CELSR1: variants seen among roughly 807,000 people sequenced by gnomAD.
CELSR1 encodes adhesion G protein-coupled receptor C1.
Under a neutral mutation model 249.1 loss-of-function variants are expected in CELSR1, and 110 were observed. The ratio of observed to expected loss-of-function variants is 0.44; its 90% CI spans 0.38 to 0.52. The LOEUF is 0.52. Among genes scored for constraint, CELSR1 ranks in the 20% least tolerant of loss-of-function variants. CELSR1 has a pLI of 0.00. For synonymous variants in CELSR1, 2,113 were observed against 1,900.0 expected, an observed-to-expected ratio of 1.11 and a Z score of -2.92; for missense variants, 4,109 against 4,296.4, an observed-to-expected ratio of 0.96 and a Z score of 1.22.
chr22:46,414,993 C>A (rs953274871), intron 5 of CELSR1, among the ~76,000 whole-genome samples: 4 of 152,086 alleles, frequency 2.6e-5, no homozygotes, highest in Non-Finnish European at 4.4e-5. Context: ...CGGAACACAT[C>A]GCGCTCAGTG....
chr22:46,426,617 T>G (rs954125795), intron 5 of CELSR1, among the ~76,000 whole-genome samples: 6 of 152,168 alleles, frequency 3.9e-5, no homozygotes, highest in Non-Finnish European at 1.5e-5. Context: ...TATAGCAATT[T>G]GGGGGTGCTA....
intron 1 of CELSR1, among the ~76,000 whole-genome samples, chr22:46,486,461 T>C (rs758779912): frequency 9.2e-5 from 14 of 151,408 alleles, no homozygotes; most frequent in Non-Finnish European, 1.6e-4. Context: ...GGCATGAGAA[T>C]TGTTTGAGCC....
rs541572721 is a variant in CELSR1, at chr22:46,364,590, G to A, written c.8701C>T (p.Arg2901Cys). The change falls in exon 33 of 35, where the codon CGT becomes TGT. Residue 2901 changes from arginine to cysteine, a missense_variant. By Grantham distance (180) the Arg-to-Cys change is radical. Transcript: ENST00000674500. ...ELHREEQGSH[R>C]GEYPPDQESG... The stretch of plus-strand genomic sequence containing the variant: ...TCCTGGTCCGGGGGGTACTCTCCAC[G>A]GTGACTGCCCTGCTCCTCGCGGTGC... The A allele has an allele frequency of 1.9e-5, 31 of 1,612,580 alleles. No homozygotes were observed. The highest frequency in any genetic ancestry group is 8.3e-5 in the Admixed American group (5 of 60,016).
chr22:46,518,479 T>C lies in CELSR1; in HGVS notation c.3544+15148A>G, dbSNP rs1342135323. On this transcript the variant is annotated intron_variant, in intron 1 of 34. Transcript: ENST00000674500. The surrounding 1 kb of genome is among the most constrained non-coding windows in gnomAD (Gnocchi z 5.2). ...ATCCCACTGAGAAGGGAGGCCTCGG[T>C]TATCTGATTTAACACGAAGAAACCA... 6.6e-6 allele frequency among the ~76,000 whole-genome samples: 1 copy of C among 152,116 alleles called. No homozygotes were observed. Among genetic ancestry groups the C allele is most frequent in the Non-Finnish European group, 1.5e-5 (1 of 68,006 alleles).
intron 27 of CELSR1, among the ~76,000 whole-genome samples, chr22:46,368,412 C>A (rs2078811949): frequency 6.6e-6 from 1 of 151,928 alleles, no homozygotes; most frequent in Non-Finnish European, 1.5e-5. Context: ...ACCCCCCGTG[C>A]ACCCCCATAT....
chr22:46,420,364 A>C (rs2079454618), intron 5 of CELSR1, among the ~76,000 whole-genome samples: 1 of 151,022 alleles, frequency 6.6e-6, no homozygotes, highest in African/African-American at 2.4e-5. Flanking sequence ...CCACATGTGC[A>C]TGCTCACCCA....
In CELSR1 at chr22:46,399,101, G is replaced by A. The variant is rs909892537; in HGVS notation, c.5413-464C>T. ...ATTTACTCCCAGGTCTGTGTTGTAA[G>A]ATGAGCCTTGGCTCCAAGAGCTCTT... is the stretch of plus-strand genomic sequence containing the variant. On this transcript the variant is annotated intron_variant, in intron 10 of 34. Transcript: ENST00000674500. This position sits in a 1 kb window ranked among gnomAD's most constrained non-coding sequence, Gnocchi z 5.0. 4.6e-5 allele frequency among the ~76,000 whole-genome samples: 7 copies of A among 152,238 alleles called. No individual in the cohort carries two copies. The highest frequency in any genetic ancestry group is 3.9e-4 in the Admixed American group (6 of 15,288).
intron 1 of CELSR1, among the ~76,000 whole-genome samples, chr22:46,510,086 T>C (rs2080557860): frequency 6.6e-6 from 1 of 152,220 alleles, no homozygotes; most frequent in Non-Finnish European, 1.5e-5. Context: ...ACCAGTGAAC[T>C]GGGCTAGCTC....
At chr22:46,379,779 C>A (rs533801478) in intron 22 of CELSR1, among the ~76,000 whole-genome samples, 1 of 152,306 alleles carries the variant, frequency 6.6e-6, no homozygotes, top group South Asian at 2.1e-4. Context: ...GCACAGACGT[C>A]CCCAGATGCA....
rs939985900 is a variant in CELSR1 at position 46,411,516 on chromosome 22, T to C, written c.4769+86A>G. ...GCCAGGGCACTGCACCCAGAGTGCC[T>C]ACGTGGGGCCCTGCCCTGGGAAGGC... is the stretch of plus-strand genomic sequence containing the variant. On this transcript the variant is annotated intron_variant, in intron 6 of 34. Transcript: ENST00000674500. The surrounding 1 kb of genome is among the most constrained non-coding windows in gnomAD (Gnocchi z 4.2). 15 of 1,511,764 alleles carry C rather than the reference T, an allele frequency of 9.9e-6. No homozygotes were observed. Among genetic ancestry groups the C allele is most frequent in the Non-Finnish European group, 1.3e-5 (15 of 1,115,302 alleles). The allele number at this position is 1,511,764 out of a possible 1,614,324, so 93.6% of individuals were successfully genotyped here. A position where few individuals can be genotyped will look rare whatever the true frequency, so the allele number is the denominator to read the frequency against.
In CELSR1 at chr22:46,484,598, C is replaced by T. The variant is rs565314390; in HGVS notation, c.3545-20253G>A. Among the ~76,000 whole-genome samples the T allele has an allele frequency of 1.1e-4, 17 of 149,622 alleles. No homozygotes were observed. The highest frequency in any genetic ancestry group is 9.9e-4 in the East Asian group (5 of 5,072). ...GGGACAGCCTGGCAAGGGGCAGCTG[C>T]GCTCACATACCACGAGAGCTACCTG... On this transcript the variant is annotated intron_variant, in intron 1 of 34. Transcript: ENST00000674500. The surrounding 1 kb of genome is among the most constrained non-coding windows in gnomAD (Gnocchi z 4.5).
At chr22:46,444,467 C>T (rs943072094) in intron 2 of CELSR1, among the ~76,000 whole-genome samples, 3 of 152,202 alleles carry the variant, frequency 2.0e-5, no homozygotes, top group East Asian at 1.9e-4. Context: ...TGCTAATGCC[C>T]GTGAGAGCAC....
chr22:46,410,240 C>G lies in CELSR1; in HGVS notation c.4933+158G>C, dbSNP rs1181734006. On this transcript the variant is annotated intron_variant, in intron 7 of 34. Transcript: ENST00000674500. The surrounding 1 kb of genome is among the most constrained non-coding windows in gnomAD (Gnocchi z 6.8). ...CGGAGATGCACATCTCCAGCCTGGACTCCGGGTTCCATCCCAGGAGCTGCC... is the reference window on the plus strand; with the variant it reads ...CGGAGATGCACATCTCCAGCCTGGAGTCCGGGTTCCATCCCAGGAGCTGCC... Among the ~76,000 whole-genome samples the G allele has an allele frequency of 1.3e-5, 2 of 152,240 alleles. No homozygotes were observed. Among genetic ancestry groups the G allele is most frequent in the African/African-American group, 4.8e-5 (2 of 41,476 alleles).
intron 2 of CELSR1, among the ~76,000 whole-genome samples, chr22:46,452,513 C>T (rs1219755075): frequency 1.3e-5 from 2 of 152,194 alleles, no homozygotes; most frequent in African/African-American, 4.8e-5. Context: ...ACTTAGGGGG[C>T]GGTCAGCCCT....
At chr22:46,416,380 C>A (rs9615995) in intron 5 of CELSR1, among the ~76,000 whole-genome samples, 6 of 152,036 alleles carry the variant, frequency 3.9e-5, no homozygotes, top group Non-Finnish European at 8.8e-5. Context: ...CCAGAGGACC[C>A]CCCCCAACCC....
At chr22:46,418,417 G>A (rs1422316167) in intron 5 of CELSR1, among the ~76,000 whole-genome samples, 2 of 152,154 alleles carry the variant, frequency 1.3e-5, no homozygotes, top group Non-Finnish European at 2.9e-5. Context: ...CCCGGGAGAC[G>A]GAGGTTGCAG....
rs1274377660 is a variant in CELSR1 at position 46,396,579 on chromosome 22, A to G, written c.5843+26T>C. ...ACAGCCACATGGACTCTGAAGGTGC[A>G]GGGAGGCACCAGGGGCTGCTCTTAC... On this transcript the variant is annotated intron_variant, in intron 13 of 34. Coordinates refer to ENST00000674500, the MANE Select transcript of CELSR1 (RefSeq NM_001378328.1). The surrounding 1 kb of genome is among the most constrained non-coding windows in gnomAD (Gnocchi z 6.4). 1.3e-6 allele frequency: 2 copies of G among 1,533,272 alleles called. No homozygotes were observed. The allele number at this position is 1,533,272 out of a possible 1,614,324, so 95.0% of individuals were successfully genotyped here.
chr22:46,365,399 C>CA lies in CELSR1; in HGVS notation c.8405-20dup. On this transcript the variant is annotated intron_variant, in intron 31 of 34. Transcript: ENST00000674500. Reference sequence around the variant, plus strand: ...TCGTGGCCTGTGGATGCGCGGGGGACAGGGAGGCTCAGGCCCTGGGAGGTG... The same window carrying CA: ...TCGTGGCCTGTGGATGCGCGGGGGACAAGGGAGGCTCAGGCCCTGGGAGGTG... 6.2e-7 allele frequency: 1 copy of CA among 1,610,966 alleles called. No individual in the cohort carries two copies. The highest frequency in any genetic ancestry group is 1.1e-5 in the South Asian group (1 of 90,914).
intron 25 of CELSR1, chr22:46,370,198 C>T (rs2078836546): frequency 2.2e-6 from 1 of 457,784 alleles, no homozygotes; most frequent in Non-Finnish European, 4.4e-6. Context: ...ACCCAAGGTG[C>T]AAGGGATGAG....
Sources: allele counts gnomAD v4.1 joint callset (sites outside exome capture counted in the v4.1 genomes callset), GRCh38; gene constraint gnomAD v4.1.1; non-coding constraint Gnocchi (gnomAD v3.1); transcripts MANE v1.5; gene names NCBI Gene and HGNC (gene_info 2026-07-23, HGNC 2026-07-21).